Variants in SLC35E4 observed in about 807,000 individuals in gnomAD.
SLC35E4 encodes solute carrier family 35, member E4.
Under a neutral mutation model 19.3 loss-of-function variants are expected in SLC35E4, and 15 were observed. The observed-to-expected ratio is 0.78, with a 90% CI of 0.52 to 1.20. The LOEUF (loss-of-function observed/expected upper bound fraction) is 1.20. Ranked by LOEUF, SLC35E4 falls within the 50% of genes most tolerant of loss-of-function variation. The pLI is 0.00. For synonymous variants in SLC35E4, 219 were observed against 219.9 expected, an observed-to-expected ratio of 1.00 and a Z score of 0.04; for missense variants, 406 against 472.3, an observed-to-expected ratio of 0.86 and a Z score of 1.30.
intron 1 of SLC35E4, among the ~76,000 whole-genome samples, chr22:30,639,080 CT>C (rs1402279317): frequency 6.6e-6 from 1 of 152,188 alleles, no homozygotes; most frequent in African/African-American, 2.4e-5. Flanking sequence ...AAATTCACCC[CT>C]GATATTTCAC....
At chr22:30,655,195 C>G (rs2088310383) in intron 2 of SLC35E4, among the ~76,000 whole-genome samples, 1 of 151,912 alleles carries the variant, frequency 6.6e-6, no homozygotes, top group South Asian at 2.1e-4. Flanking sequence ...GTGGCTCACA[C>G]CTGTAATCCT....
chr22:30,648,317 G>T (rs186015477), downstream of SLC35E4, among the ~76,000 whole-genome samples: 128 of 152,162 alleles, frequency 8.4e-4, no homozygotes, highest in Middle Eastern at 6.8e-3. Flanking sequence ...TCAGTTCCCC[G>T]TGATACCAGG....
intron 2 of SLC35E4, among the ~76,000 whole-genome samples, chr22:30,652,958 T>A (rs535556048): frequency 2.0e-5 from 3 of 152,264 alleles, no homozygotes; most frequent in Non-Finnish European, 4.4e-5. Flanking sequence ...ACCATATCAG[T>A]GAATATCTAT....
downstream of SLC35E4, among the ~76,000 whole-genome samples, chr22:30,652,551 G>A (rs2088243326): frequency 6.6e-6 from 1 of 152,220 alleles, no homozygotes; most frequent in African/African-American, 2.4e-5. Context: ...AATGAATAAA[G>A]ACAACTTGGA....
At chr22:30,663,797 T>C (rs746559561), downstream of SLC35E4, 1 of 1,614,092 alleles carries the variant, frequency 6.2e-7, no homozygotes, top group Non-Finnish European at 8.5e-7. Flanking sequence ...CAGCCACAGG[T>C]ACCTGCATGT....
At chr22:30,654,579 T>C in intron 2 of SLC35E4, 1 of 459,306 alleles carries the variant, frequency 2.2e-6, no homozygotes, top group Non-Finnish European at 4.4e-6. Context: ...AAGATGCGGC[T>C]GGGGACCCGG....
chr22:30,648,844 A>G (rs1076301), downstream of SLC35E4, among the ~76,000 whole-genome samples: 90,660 of 150,106 alleles, frequency 0.6, 29,515 homozygotes, highest in African/African-American at 0.88. Context: ...TATCTCTTTC[A>G]AAAAAAAAAA....
Position 30,645,614 on chromosome 22 carries a change from AAAAAG to A in SLC35E4, c.620-981_620-977del, listed in dbSNP as rs1414501364. On this transcript the variant is annotated intron_variant, in intron 1 of 1. Coordinates refer to ENST00000343605, the MANE Select transcript of SLC35E4 (RefSeq NM_001001479.4). ...TGTCTCCAAAAAAAAAAAAAAAAAAAAAAAGAACCTAGGACCTTCAGGGCCAGGGC... is the reference window on the plus strand; with the variant it reads ...TGTCTCCAAAAAAAAAAAAAAAAAAAAACCTAGGACCTTCAGGGCCAGGGC... Among the ~76,000 whole-genome samples, 25 of 150,594 alleles carry A rather than the reference AAAAAG, an allele frequency of 1.7e-4. 1 individual carries two copies. The East Asian group carries it at 3.9e-3, about 24-fold the overall frequency.
chr22:30,636,349 G>A lies in SLC35E4; in HGVS notation c.-102G>A. 3 of 1,408,132 alleles carry A rather than the reference G, an allele frequency of 2.1e-6. No individual in the cohort carries two copies. The highest frequency in any genetic ancestry group is 2.9e-5 in the African/African-American group (2 of 69,260). The allele number at this position is 1,408,132 out of a possible 1,614,324, so 87.2% of individuals were successfully genotyped here. A position where few individuals can be genotyped will look rare whatever the true frequency, so the allele number is the denominator to read the frequency against. ...TCACCTGTCTGAAACGGGACACGGG[G>A]TCGGAGGAACCAGGATCTAGCCTGG... is the stretch of plus-strand genomic sequence containing the variant. On this transcript the variant is annotated 5_prime_UTR_variant, in exon 1 of 2. Coordinates refer to ENST00000343605, the MANE Select transcript of SLC35E4 (RefSeq NM_001001479.4).
At position 30,646,235 on chromosome 22, in the gene SLC35E4, T is replaced by C. The variant is rs116773165; in HGVS notation, c.620-363T>C. 3.3e-3 allele frequency among the ~76,000 whole-genome samples: 500 copies of C among 152,346 alleles called. 1 individual carries two copies. Among genetic ancestry groups the C allele is most frequent in the African/African-American group, 0.011 (461 of 41,572 alleles). ...GATAACAGACTTATTTATTTTAGTT[T>C]AGTTTTTTATATTTACTGAGCATTT... On this transcript the variant is annotated intron_variant, in intron 1 of 1. Coordinates refer to ENST00000343605, the MANE Select transcript of SLC35E4 (RefSeq NM_001001479.4).
chr22:30,641,329 G>A (rs1029764157), intron 1 of SLC35E4, among the ~76,000 whole-genome samples: 3 of 152,210 alleles, frequency 2.0e-5, no homozygotes, highest in African/African-American at 7.2e-5. Context: ...TCCCTCCCTA[G>A]TCTTAACTCC....
intron 1 of SLC35E4, among the ~76,000 whole-genome samples, chr22:30,641,441 G>A (rs1482994391): frequency 1.3e-5 from 2 of 152,190 alleles, no homozygotes; most frequent in Admixed American, 1.3e-4. Flanking sequence ...CTGGTTACCT[G>A]TCTGCTGCCT....
intron 2 of SLC35E4, chr22:30,654,431 G>A: frequency 2.2e-6 from 1 of 446,574 alleles, no homozygotes; most frequent in South Asian, 1.6e-5. Context: ...GGCTTCAGAT[G>A]CACAACCTGG....
At chr22:30,662,259 T>A (rs541276943) in exon 3 of SLC35E4, 1 of 152,266 alleles carries the variant, frequency 6.6e-6, no homozygotes, top group South Asian at 2.1e-4. Context: ...TCACAATAAC[T>A]CTGTGAGAAA....
intron 1 of SLC35E4, among the ~76,000 whole-genome samples, chr22:30,641,984 A>G (rs1213935070): frequency 1.3e-5 from 2 of 151,868 alleles, no homozygotes; most frequent in African/African-American, 4.8e-5. Context: ...GATGGGGAGG[A>G]ACAGACTTGA....
chr22:30,637,872 G>C (rs1188596180), intron 1 of SLC35E4, among the ~76,000 whole-genome samples: 1 of 152,206 alleles, frequency 6.6e-6, no homozygotes, highest in Non-Finnish European at 1.5e-5. Flanking sequence ...CAGAAAGCAT[G>C]GGCCAGGGAG....
At chr22:30,663,441 A>G (rs997453283), downstream of SLC35E4, 32 of 1,607,818 alleles carry the variant, frequency 2.0e-5, no homozygotes, top group Non-Finnish European at 1.4e-5. Context: ...GATGGCTCAC[A>G]GTGGAATCAT....
chr22:30,658,473 CA>C (rs1189475382), intron 2 of SLC35E4, among the ~76,000 whole-genome samples: 3 of 151,814 alleles, frequency 2.0e-5, no homozygotes, highest in Non-Finnish European at 4.4e-5. Flanking sequence ...TTCATCTGTC[CA>C]AAGCATCTGC....
chr22:30,661,795 T>C (rs1393158873), intron 2 of SLC35E4: 1 of 152,196 alleles, frequency 6.6e-6, no homozygotes, highest in Non-Finnish European at 1.5e-5. Context: ...TGGAGTCCAC[T>C]AGTTAGTCCC....
Sources: allele counts gnomAD v4.1 joint callset (sites outside exome capture counted in the v4.1 genomes callset), GRCh38; gene constraint gnomAD v4.1.1; transcripts MANE v1.5; gene names NCBI Gene and HGNC (gene_info 2026-07-23, HGNC 2026-07-21).